ASTN2: variants seen among roughly 807,000 people sequenced by gnomAD.
The protein encoded by ASTN2 is astrotactin-2.
ASTN2 carries 54 observed loss-of-function variants against 139.8 expected under a neutral mutation model. The ratio of observed to expected loss-of-function variants is 0.39; its 90% confidence interval spans 0.31 to 0.48. The LOEUF (loss-of-function observed/expected upper bound fraction) is 0.48, where lower values mean the gene tolerates loss of function less well. Among genes scored for constraint, ASTN2 ranks in the 20% least tolerant of loss-of-function variants. The pLI, the probability that ASTN2 is intolerant of heterozygous loss-of-function variation, is 0.95. For missense variants in ASTN2, 1,565 were observed against 1,725.1 expected, an observed-to-expected ratio of 0.91 and a Z score of 1.64; for synonymous variants, 756 against 719.5, an observed-to-expected ratio of 1.05 and a Z score of -0.81.
intron 6 of ASTN2, among the ~76,000 whole-genome samples, chr9:117,039,571 A>G (rs1003642498): frequency 6.6e-6 from 1 of 152,122 alleles, no homozygotes; most frequent in African/African-American, 2.4e-5. Flanking sequence ...TGTTCAGCAC[A>G]TGTATCCCCA....
intron 13 of ASTN2, among the ~76,000 whole-genome samples, chr9:116,787,405 C>T (rs370732672): frequency 6.6e-6 from 1 of 152,172 alleles, no homozygotes; most frequent in Non-Finnish European, 1.5e-5. Flanking sequence ...TTCTCAAGGA[C>T]GTGGGAGCTA....
At chr9:116,944,681 C>CAAA (rs34943919) in intron 10 of ASTN2, among the ~76,000 whole-genome samples, 101 of 52,716 alleles carry the variant, frequency 1.9e-3, no homozygotes, top group African/African-American at 2.3e-3. Context: ...GACTCTGTCT[C>CAAA]AAAAAAAAAA....
intron 1 of ASTN2, among the ~76,000 whole-genome samples, chr9:117,385,456 G>A (rs1418398909): frequency 3.3e-5 from 5 of 152,196 alleles, no homozygotes; most frequent in Admixed American, 1.3e-4. Flanking sequence ...GAGAACAAGG[G>A]GAGGCAAGGG....
intron 10 of ASTN2, among the ~76,000 whole-genome samples, chr9:116,912,788 T>A (rs1010436002): frequency 6.6e-6 from 1 of 152,106 alleles, no homozygotes; most frequent in East Asian, 1.9e-4. Flanking sequence ...GTGAGGTGGG[T>A]TCACTCTAAG....
intron 13 of ASTN2, among the ~76,000 whole-genome samples, chr9:116,794,056 T>C (rs1387689349): frequency 6.6e-6 from 1 of 151,496 alleles, no homozygotes; most frequent in Non-Finnish European, 1.5e-5. Flanking sequence ...CAATAATAGC[T>C]GATATGCAAA....
chr9:117,046,642 T>A (rs1446032330), intron 5 of ASTN2, among the ~76,000 whole-genome samples: 1 of 152,188 alleles, frequency 6.6e-6, no homozygotes, highest in Non-Finnish European at 1.5e-5. Flanking sequence ...ACTTTCACAC[T>A]TAGCTGCTGG....
intron 13 of ASTN2, among the ~76,000 whole-genome samples, chr9:116,781,924 AG>A (rs149617050): frequency 0.019 from 2,843 of 152,234 alleles, 59 homozygotes; most frequent in East Asian, 0.064. Flanking sequence ...CTGGATGTTC[AG>A]ATACCTCGAG....
intron 2 of ASTN2, among the ~76,000 whole-genome samples, chr9:117,271,342 T>G (rs555298277): frequency 6.6e-6 from 1 of 152,334 alleles, no homozygotes; most frequent in Admixed American, 6.5e-5. Flanking sequence ...CACCTATGAT[T>G]CGATTACCTC....
intron 2 of ASTN2, among the ~76,000 whole-genome samples, chr9:117,270,516 T>C (rs920601612): frequency 6.6e-6 from 1 of 152,178 alleles, no homozygotes; most frequent in Non-Finnish European, 1.5e-5. Context: ...GTTTCATGAG[T>C]TTCTTTGTCA....
intron 1 of ASTN2, among the ~76,000 whole-genome samples, chr9:117,318,510 C>G (rs2130827164): frequency 6.6e-6 from 1 of 152,210 alleles, no homozygotes; most frequent in Non-Finnish European, 1.5e-5. Context: ...TGAGAGTTAT[C>G]AGATGTTGAA....
At chr9:117,003,714 G>C (rs1043202138) in intron 7 of ASTN2, among the ~76,000 whole-genome samples, 17 of 151,752 alleles carry the variant, frequency 1.1e-4, no homozygotes, top group Non-Finnish European at 2.9e-5. Context: ...AGATCAGCTG[G>C]GGAGCTAGAA....
chr9:117,134,793 CAATAAATGGTG>C (rs1404889603), intron 4 of ASTN2, among the ~76,000 whole-genome samples: 2 of 152,154 alleles, frequency 1.3e-5, no homozygotes, highest in Non-Finnish European at 2.9e-5. Context: ...CTGCTTCCTT[CAATAAATGGTG>C]AAGTACTGGT....
chr9:117,312,214 G>A (rs1178007395), intron 1 of ASTN2, among the ~76,000 whole-genome samples: 1 of 152,144 alleles, frequency 6.6e-6, no homozygotes, highest in Non-Finnish European at 1.5e-5. Context: ...CAAAGAGTGG[G>A]AAAATGCACC....
At chr9:117,117,691 G>A (rs1202732508) in intron 4 of ASTN2, among the ~76,000 whole-genome samples, 3 of 152,212 alleles carry the variant, frequency 2.0e-5, no homozygotes, top group African/African-American at 7.2e-5. Context: ...TGTTTGCTGA[G>A]TTATTAGCCT....
At chr9:116,778,406 T>TATTTC in intron 13 of ASTN2, among the ~76,000 whole-genome samples, 1 of 151,972 alleles carries the variant, frequency 6.6e-6, no homozygotes. Context: ...TTATTTATTT[T>TATTTC]ATTACTATTA....
intron 13 of ASTN2, among the ~76,000 whole-genome samples, chr9:116,784,516 A>G (rs1288853032): frequency 6.6e-6 from 1 of 152,208 alleles, no homozygotes; most frequent in Non-Finnish European, 1.5e-5. Context: ...GTTGTTAGTT[A>G]ACTTTAACAT....
intron 10 of ASTN2, among the ~76,000 whole-genome samples, chr9:116,964,219 GTGTGT>G (rs1564362530): frequency 3.9e-5 from 3 of 77,100 alleles, no homozygotes; most frequent in Admixed American, 1.2e-4. Flanking sequence ...GCCCTGGGGT[GTGTGT>G]GTGTGTGTGT....
chr9:116,666,949 C>CTTTTTTTT (rs34835904), intron 16 of ASTN2, among the ~76,000 whole-genome samples: 2 of 70,360 alleles, frequency 2.8e-5, no homozygotes, highest in Admixed American at 4.5e-4. Flanking sequence ...TTTATTTATT[C>CTTTTTTTT]TTTTTTTTTT....
chr9:117,296,277 C>CAAAAAAAAAAAAA (rs5900277), intron 1 of ASTN2, among the ~76,000 whole-genome samples: 7 of 70,998 alleles, frequency 9.9e-5, no homozygotes, highest in Non-Finnish European at 1.2e-4. Context: ...GACTGCATCT[C>CAAAAAAAAAAAAA]AAAAAAAAAA....
Sources: gnomAD v4.1 joint callset for allele counts (sites outside exome capture counted in the v4.1 genomes callset) on GRCh38, gnomAD v4.1.1 for gene constraint, MANE v1.5 for transcripts, NCBI Gene and HGNC (gene_info 2026-07-23, HGNC 2026-07-21) for gene names.